The following PARD3B variants were observed in gnomAD, a reference collection of about 807,000 sequenced individuals.
The protein encoded by PARD3B is partitioning defective 3 homolog B.
Under a neutral mutation model 130.2 loss-of-function variants are expected in PARD3B, and 103 were observed. The observed-to-expected ratio is 0.79, with a 90% CI of 0.67 to 0.93. The LOEUF is 0.93. PARD3B is among the 40% of genes least tolerant of loss of function. The probability of loss-of-function intolerance (pLI) is 0.00; values close to 1 mark genes in which losing one functional copy is unlikely to be tolerated. For synonymous variants in PARD3B, 583 were observed against 553.2 expected, an observed-to-expected ratio of 1.05 and a Z score of -0.76; for missense variants, 1,609 against 1,499.2, an observed-to-expected ratio of 1.07 and a Z score of -1.21.
chr2:204,674,793 C>T (rs1165846756), intron 1 of PARD3B, among the ~76,000 whole-genome samples: 1 of 152,088 alleles, frequency 6.6e-6, no homozygotes, highest in African/African-American at 2.4e-5. Context: ...CACAAAGATA[C>T]ACACAACTGG....
chr2:204,980,085 G>A (rs2125205630), intron 3 of PARD3B, among the ~76,000 whole-genome samples: 1 of 152,258 alleles, frequency 6.6e-6, no homozygotes, highest in African/African-American at 2.4e-5. Context: ...GTCTGACAAA[G>A]GATAGTGTAC....
At chr2:205,149,352 A>G (rs2125691348) in intron 10 of PARD3B, among the ~76,000 whole-genome samples, 1 of 152,214 alleles carries the variant, frequency 6.6e-6, no homozygotes, top group South Asian at 2.1e-4. Flanking sequence ...TCCTGGGATT[A>G]CAGGCATGAG....
chr2:205,378,334 A>G (rs1453133403), intron 18 of PARD3B, among the ~76,000 whole-genome samples: 3 of 152,160 alleles, frequency 2.0e-5, no homozygotes, highest in African/African-American at 7.2e-5. Context: ...GGTTGAACAA[A>G]GGGATTCGAG....
At chr2:204,857,221 G>T (rs944832359) in intron 2 of PARD3B, among the ~76,000 whole-genome samples, 1 of 152,224 alleles carries the variant, frequency 6.6e-6, no homozygotes, top group African/African-American at 2.4e-5. Context: ...ATATCATTCA[G>T]ATTCATGAAG....
At chr2:204,885,492 C>T (rs1169312620) in intron 2 of PARD3B, among the ~76,000 whole-genome samples, 2 of 152,118 alleles carry the variant, frequency 1.3e-5, no homozygotes, top group East Asian at 3.9e-4. Context: ...TAAGAGAGAA[C>T]TAATATTAAA....
At chr2:205,058,891 G>T (rs1559399090) in intron 4 of PARD3B, among the ~76,000 whole-genome samples, 1 of 150,312 alleles carries the variant, frequency 6.7e-6, no homozygotes, top group African/African-American at 2.4e-5. Context: ...TCTTTACATT[G>T]CCCCTTCACT....
At chr2:204,563,217 G>GTCTGTCTCTCTCTC (rs1553541986) in intron 1 of PARD3B, among the ~76,000 whole-genome samples, 6 of 86,596 alleles carry the variant, frequency 6.9e-5, no homozygotes, top group African/African-American at 2.2e-4. Flanking sequence ...TCTTCCCGCT[G>GTCTGTCTCTCTCTC]TCTCTCTCTC....
At chr2:204,547,928 A>G (rs1303960586) in intron 1 of PARD3B, among the ~76,000 whole-genome samples, 2 of 152,158 alleles carry the variant, frequency 1.3e-5, no homozygotes, top group African/African-American at 4.8e-5. Flanking sequence ...TGATCAGTTT[A>G]CTATTATTAC....
intron 15 of PARD3B, among the ~76,000 whole-genome samples, chr2:205,217,585 A>G (rs954788738): frequency 6.6e-6 from 1 of 152,038 alleles, no homozygotes; most frequent in African/African-American, 2.4e-5. Context: ...TAACCAGAGA[A>G]GCTAGTGAAG....
chr2:204,659,379 A>G (rs1305109068), intron 1 of PARD3B, among the ~76,000 whole-genome samples: 1 of 152,172 alleles, frequency 6.6e-6, no homozygotes, highest in Non-Finnish European at 1.5e-5. Flanking sequence ...TGACACAGCT[A>G]GATAGGCTAG....
At chr2:205,211,640 C>G (rs1205860866) in intron 15 of PARD3B, among the ~76,000 whole-genome samples, 1 of 152,060 alleles carries the variant, frequency 6.6e-6, no homozygotes, top group East Asian at 1.9e-4. Context: ...TGTTTCAATA[C>G]CCACTTGGTT....
intron 18 of PARD3B, among the ~76,000 whole-genome samples, chr2:205,374,338 G>T (rs914995161): frequency 3.3e-5 from 5 of 152,018 alleles, no homozygotes; most frequent in African/African-American, 1.2e-4. Context: ...TTGGGTCCCG[G>T]TTCAAGCAAT....
At chr2:204,739,096 G>T (rs970325265) in intron 2 of PARD3B, among the ~76,000 whole-genome samples, 7 of 152,224 alleles carry the variant, frequency 4.6e-5, no homozygotes, top group Non-Finnish European at 1.0e-4. Context: ...CTACTTACTG[G>T]CATGTGTATG....
chr2:204,599,174 TATC>T (rs2033413220), intron 1 of PARD3B, among the ~76,000 whole-genome samples: 1 of 151,998 alleles, frequency 6.6e-6, no homozygotes, highest in African/African-American at 2.4e-5. Context: ...CTTAAAAGTC[TATC>T]ATTTCTTTTT....
At chr2:205,528,479 G>A (rs1326654817) in intron 21 of PARD3B, among the ~76,000 whole-genome samples, 1 of 151,902 alleles carries the variant, frequency 6.6e-6, no homozygotes, top group East Asian at 1.9e-4. Flanking sequence ...TTCTCTTCGT[G>A]TCAGACATGA....
At chr2:204,791,183 A>G (rs960443536) in intron 2 of PARD3B, among the ~76,000 whole-genome samples, 1 of 152,132 alleles carries the variant, frequency 6.6e-6, no homozygotes, top group African/African-American at 2.4e-5. Context: ...TCCTTTAGTC[A>G]TTTGGTGGTT....
At chr2:205,403,819 T>C (rs1436370556) in intron 19 of PARD3B, among the ~76,000 whole-genome samples, 1 of 152,104 alleles carries the variant, frequency 6.6e-6, no homozygotes, top group Non-Finnish European at 1.5e-5. Context: ...ATACACAGGA[T>C]TTTTTTCTCA....
At chr2:204,593,541 A>G (rs2033161322) in intron 1 of PARD3B, among the ~76,000 whole-genome samples, 2 of 152,184 alleles carry the variant, frequency 1.3e-5, no homozygotes, top group African/African-American at 4.8e-5. Flanking sequence ...CCCAAGACTA[A>G]CTAATATCCT....
intron 20 of PARD3B, among the ~76,000 whole-genome samples, chr2:205,479,937 C>T (rs186723662): frequency 7.2e-6 from 1 of 138,098 alleles, no homozygotes; most frequent in East Asian, 2.2e-4. Context: ...GAGTCTTGCT[C>T]TGTCACCCAG....
Sources: allele counts gnomAD v4.1 joint callset (sites outside exome capture counted in the v4.1 genomes callset), GRCh38; gene constraint gnomAD v4.1.1; transcripts MANE v1.5; gene names NCBI Gene and HGNC (gene_info 2026-07-23, HGNC 2026-07-21).